The following SEPTIN3 variants were observed in gnomAD, a reference collection of about 807,000 sequenced individuals.
The protein encoded by SEPTIN3 is septin 3.
SEPTIN3 carries 15 observed loss-of-function variants against 45.1 expected under a neutral mutation model. The ratio of observed to expected loss-of-function variants is 0.33; its 90% CI spans 0.22 to 0.51. The LOEUF (loss-of-function observed/expected upper bound fraction) is 0.51, where lower values mean the gene tolerates loss of function less well. Among genes scored for constraint, SEPTIN3 ranks in the 20% least tolerant of loss-of-function variants. The pLI, the probability that SEPTIN3 is intolerant of heterozygous loss-of-function variation, is 0.97. For synonymous variants in SEPTIN3, 148 were observed against 164.8 expected, an observed-to-expected ratio of 0.90 and a Z score of 0.78; for missense variants, 289 against 457.2, an observed-to-expected ratio of 0.63 and a Z score of 3.35.
intron 6 of SEPTIN3, among the ~76,000 whole-genome samples, chr22:41,988,507 C>T (rs7287528): frequency 0.025 from 3,847 of 152,078 alleles, 150 homozygotes; most frequent in African/African-American, 0.088. Context: ...CAAGGTAAGC[C>T]CCAAATTTTC....
intron 8 of SEPTIN3, among the ~76,000 whole-genome samples, chr22:41,992,209 T>C (rs1459221490): frequency 6.6e-6 from 1 of 152,072 alleles, no homozygotes; most frequent in Non-Finnish European, 1.5e-5. Context: ...CAAAAACTTA[T>C]CTCTACAAAA....
At chr22:41,990,143 C>T (rs1350200611) in intron 7 of SEPTIN3, among the ~76,000 whole-genome samples, 2 of 151,834 alleles carry the variant, frequency 1.3e-5, no homozygotes, top group African/African-American at 4.8e-5. Context: ...CGGGTTCACG[C>T]CATTCTCCTG....
At chr22:41,980,526 C>T (rs1041652988) in intron 2 of SEPTIN3, among the ~76,000 whole-genome samples, 3 of 152,146 alleles carry the variant, frequency 2.0e-5, no homozygotes, top group Non-Finnish European at 4.4e-5. Flanking sequence ...GATGCAGGCT[C>T]ATAGTGGGGA....
chr22:41,995,524 A>G (rs2078417320), intron 11 of SEPTIN3: 1 of 985,090 alleles, frequency 1.0e-6, no homozygotes, highest in African/African-American at 1.8e-5. Flanking sequence ...CTTCCCTCAT[A>G]CATTGCTTTC....
intron 8 of SEPTIN3, 129 bp downstream of exon 8, chr22:41,991,797 G>A: frequency 1.4e-6 from 1 of 711,414 alleles, no homozygotes; most frequent in South Asian, 1.6e-5. Context: ...CAGACCAGAA[G>A]TGACATAGGG....
Position 41,994,561 on chromosome 22 carries a change from C to A in SEPTIN3, c.2412-60C>A. 6.2e-7 allele frequency: 1 copy of A among 1,609,336 alleles called. No homozygotes were observed. Among genetic ancestry groups the A allele is most frequent in the African/African-American group, 1.3e-5 (1 of 74,958 alleles). ...TCCAGTCCCTCGAAGTGATGTGTGT[C>A]ACCGCCTCCTCTTCCTGCCCCTAAT... On this transcript the variant is annotated intron_variant, in intron 10 of 11. Coordinates refer to ENST00000644076, the MANE Select transcript of SEPTIN3 (RefSeq NM_001363845.2). This position sits in a 1 kb window ranked among gnomAD's most constrained non-coding sequence, Gnocchi z 4.2.
intron 8 of SEPTIN3, 95 bp from the exon 9 acceptor site, chr22:41,992,569 G>A: frequency 1.4e-6 from 1 of 731,708 alleles, no homozygotes; most frequent in Non-Finnish European, 2.3e-6. Flanking sequence ...TGTGGTTCAA[G>A]GCTAGAGGAC....
chr22:41,995,307 A>C (rs1325702072), intron 11 of SEPTIN3: 1 of 991,084 alleles, frequency 1.0e-6, no homozygotes, highest in Non-Finnish European at 1.2e-6. Flanking sequence ...GGCCATGAGA[A>C]GGCAGAGAAG....
At chr22:41,981,521 A>G (rs2078119811) in intron 2 of SEPTIN3, 124 bp from the exon 3 acceptor site, 1 of 733,510 alleles carries the variant, frequency 1.4e-6, no homozygotes, top group Admixed American at 2.8e-5. Flanking sequence ...ACTGGATGAT[A>G]CTAAGATCCC....
At position 41,987,175 on chromosome 22, in the gene SEPTIN3, C is replaced by G. The variant is rs1602417744; in HGVS notation, c.1826-31C>G. On this transcript the variant is annotated intron_variant, in intron 4 of 11. Coordinates refer to ENST00000644076, the MANE Select transcript of SEPTIN3 (RefSeq NM_001363845.2). ...TACCTGGGGTCAGCTGTAGGACTGACCTCTCTGGTACATTTTCTTTTCACC... is the reference window on the plus strand; with the variant it reads ...TACCTGGGGTCAGCTGTAGGACTGAGCTCTCTGGTACATTTTCTTTTCACC... The G allele has an allele frequency of 2.5e-6, 4 of 1,590,250 alleles. No individual in the cohort carries two copies. In the East Asian group the frequency reaches 8.9e-5, roughly 36 times the overall value.
intron 2 of SEPTIN3, chr22:41,977,008 C>T: frequency 1.9e-6 from 3 of 1,574,520 alleles, no homozygotes; most frequent in Non-Finnish European, 2.6e-6. Flanking sequence ...CCCCGCTCAG[C>T]CTTGCAGCCC....
At chr22:41,995,474 GTC>G (rs1458942307) in intron 11 of SEPTIN3, 27 of 985,448 alleles carry the variant, frequency 2.7e-5, no homozygotes, top group Non-Finnish European at 3.3e-5. Flanking sequence ...GCCACTGCCT[GTC>G]TCTGCTTCCG....
At position 41,976,792 on chromosome 22, in the gene SEPTIN3, G is replaced by C. The variant is rs1191965841; in HGVS notation, c.1504+3796G>C. The C allele has an allele frequency of 1.3e-5, 2 of 148,890 alleles. No individual in the cohort carries two copies. The highest frequency in any genetic ancestry group is 3.0e-5 in the Non-Finnish European group (2 of 66,694). 9.2% of individuals were successfully genotyped at this position (148,890 alleles called of 1,614,324 possible). ...GGCGCGCGGTCACGTGGTGCGGGTG[G>C]CAGCGGCGGCGGCTGGCGGCGGCGG... On this transcript the variant is annotated intron_variant, in intron 2 of 11. Coordinates refer to ENST00000644076, the MANE Select transcript of SEPTIN3 (RefSeq NM_001363845.2). This position sits in a 1 kb window ranked among gnomAD's most constrained non-coding sequence, Gnocchi z 5.8.
intron 7 of SEPTIN3, among the ~76,000 whole-genome samples, chr22:41,991,198 C>A (rs1402884892): frequency 6.6e-6 from 1 of 152,112 alleles, no homozygotes; most frequent in African/African-American, 2.4e-5. Context: ...GTAGGGGGAG[C>A]CTCACCTTTC....
At chr22:41,993,403 C>A (rs2078356694) in intron 9 of SEPTIN3, among the ~76,000 whole-genome samples, 1 of 152,048 alleles carries the variant, frequency 6.6e-6, no homozygotes, top group African/African-American at 2.4e-5. Context: ...CAGCTCACTG[C>A]AACCTCTGCC....
chr22:41,996,794 G>A (rs1312518616), intron 11 of SEPTIN3, 108 bp from the exon 12 acceptor site: 6 of 1,551,784 alleles, frequency 3.9e-6, no homozygotes, highest in South Asian at 2.4e-5. Flanking sequence ...TAGGAATGGT[G>A]CCTGGCACCC....
chr22:41,973,752 G>A (rs918867221), intron 2 of SEPTIN3, among the ~76,000 whole-genome samples: 2 of 152,240 alleles, frequency 1.3e-5, no homozygotes, highest in Admixed American at 1.3e-4. Flanking sequence ...AGGCCAAGGC[G>A]GGTGGATCAC....
At position 41,994,263 on chromosome 22, in the gene SEPTIN3, T is replaced by G; in HGVS notation, c.2360-27T>G. The stretch of plus-strand genomic sequence containing the variant: ...GCTGTATTAATGAACTGACTACCTG[T>G]TTTGCTTTGTTTTGTTTTGTTCATA... On this transcript the variant is annotated intron_variant, in intron 9 of 11. Coordinates refer to ENST00000644076, the MANE Select transcript of SEPTIN3 (RefSeq NM_001363845.2). This position sits in a 1 kb window ranked among gnomAD's most constrained non-coding sequence, Gnocchi z 4.2. 1.9e-6 allele frequency: 3 copies of G among 1,611,766 alleles called. No homozygotes were observed. The South Asian group carries it at 3.3e-5, about 18-fold the overall frequency.
Position 41,987,626 on chromosome 22 carries a change from G to A in SEPTIN3, c.1912G>A (p.Glu638Lys). The A allele has an allele frequency of 6.2e-7, 1 of 1,608,554 alleles. No individual in the cohort carries two copies. The highest frequency in any genetic ancestry group is 8.5e-7 in the Non-Finnish European group (1 of 1,175,444). ...TCTACTTTCCCTCCCCATCAGCTGG[G>A]AGCCCATTGAGAAGTACATCAATGA... The part of the protein sequence containing the change: ...GDQINNENCW[E>K]PIEKYINEQY... Residue 638 changes from glutamate (E) to lysine (K), a missense_variant, in exon 6 of 12, where the codon GAG becomes AAG. By Grantham distance (56) the Glu-to-Lys change is moderately conservative. Transcript: ENST00000644076.
Sources: gnomAD v4.1 joint callset for allele counts (sites outside exome capture counted in the v4.1 genomes callset) on GRCh38, gnomAD v4.1.1 for gene constraint, Gnocchi (gnomAD v3.1) non-coding constraint, MANE v1.5 for transcripts, NCBI Gene and HGNC (gene_info 2026-07-23, HGNC 2026-07-21) for gene names.